Variants in UBR7 observed in about 807,000 individuals in gnomAD.
UBR7 encodes the protein ubiquitin protein ligase E3 component n-recognin 7, also known as putative E3 ubiquitin-protein ligase UBR7.
In UBR7, 22 loss-of-function variants were observed where a neutral mutation model predicts 57.0. That is an observed-to-expected ratio of 0.39 (90% CI 0.28 to 0.55). The LOEUF is 0.55. Among genes scored for constraint, UBR7 ranks in the 20% least tolerant of loss-of-function variants. The probability of loss-of-function intolerance (pLI) is 0.69; values close to 1 mark genes in which losing one functional copy is unlikely to be tolerated. For missense variants in UBR7, 395 were observed against 513.2 expected, an observed-to-expected ratio of 0.77 and a Z score of 2.23; for synonymous variants, 167 against 179.8, an observed-to-expected ratio of 0.93 and a Z score of 0.57.
intron 3 of UBR7, among the ~76,000 whole-genome samples, chr14:93,211,266 G>T (rs1894475850): frequency 6.6e-6 from 1 of 151,484 alleles, no homozygotes; most frequent in South Asian, 2.1e-4. Flanking sequence ...CAATAAATAG[G>T]CCGGGCACGG....
intron 10 of UBR7, 149 bp from the exon 11 acceptor site, chr14:93,226,792 CAA>C (rs55907535): frequency 0.066 from 21,834 of 332,078 alleles, 337 homozygotes; most frequent in African/African-American, 0.17. Context: ...CACTCCATCT[CAA>C]AAAAAAAAAA....
chr14:93,226,969 G>C lies in UBR7; in HGVS notation c.1212G>C (p.Gln404His), dbSNP rs951509609. 3.1e-6 allele frequency: 5 copies of C among 1,613,098 alleles called. No individual in the cohort carries two copies. Among genetic ancestry groups the C allele is most frequent in the Non-Finnish European group, 3.4e-6 (4 of 1,179,422 alleles). ...TTGTTAAGAGAGAGGACATTCAGCA[G>C]TTCTTTGAAGAGTTTCAGTCAAAAA... ...GTVVKREDIQ[Q>H]FFEEFQSKKR... The change falls in exon 11 of 11, where the codon CAG (glutamine) becomes CAC (histidine). Residue 404 changes from glutamine (Q) to histidine (H), a missense_variant. Physicochemically the swap from Gln to His is conservative, Grantham distance 24. Coordinates refer to ENST00000013070, the MANE Select transcript of UBR7 (RefSeq NM_175748.4).
intron 10 of UBR7, among the ~76,000 whole-genome samples, chr14:93,223,222 C>A (rs2140107128): frequency 6.6e-6 from 1 of 152,074 alleles, no homozygotes; most frequent in East Asian, 1.9e-4. Flanking sequence ...CATGGTGAAA[C>A]CTTGTCTCTA....
chr14:93,220,171 A>AAATT, intron 8 of UBR7, 78 bp from the exon 9 acceptor site: 1 of 1,478,580 alleles, frequency 6.8e-7, no homozygotes. Flanking sequence ...GATTCTCAGG[A>AAATT]AATTGGCTTT....
At chr14:93,211,014 A>G (rs757190156) in intron 3 of UBR7, among the ~76,000 whole-genome samples, 2 of 152,154 alleles carry the variant, frequency 1.3e-5, no homozygotes, top group Non-Finnish European at 2.9e-5. Flanking sequence ...CTTAAAAACA[A>G]TAAATAGGGT....
chr14:93,222,280 C>A, intron 9 of UBR7, 33 bp from the exon 10 acceptor site: 3 of 1,498,626 alleles, frequency 2.0e-6, no homozygotes, highest in Non-Finnish European at 2.8e-6. Flanking sequence ...AATGGTTTAT[C>A]TAAACTTAAA....
At position 93,227,300 on chromosome 14, in the gene UBR7, AGTTTTT is replaced by A. The variant is rs1336545644; in HGVS notation, c.*266_*271del. ...CCAGTGCACCCAGGGTTATTTGCAT[AGTTTTT>A]AAGTTTGATTTTGTTTTGAGAAAGC... On this transcript the variant is annotated 3_prime_UTR_variant, in exon 11 of 11. Coordinates refer to ENST00000013070, the MANE Select transcript of UBR7 (RefSeq NM_175748.4). The A allele has an allele frequency of 1.7e-6, 1 of 600,578 alleles. No individual in the cohort carries two copies. Among genetic ancestry groups the A allele is most frequent in the African/African-American group, 1.8e-5 (1 of 55,268 alleles). The allele number at this position is 600,578 out of a possible 1,614,324, so 37.2% of individuals were successfully genotyped here.
rs2140110830 is a variant in UBR7, at chr14:93,227,056, C to T, written c.*21C>T. ...GCTAGAGTGGAGTATGAAGCTTTCT[C>T]ATTCAAGCCAATGAAAATGCGCTTC... On this transcript the variant is annotated 3_prime_UTR_variant, in exon 11 of 11. Coordinates refer to ENST00000013070, the MANE Select transcript of UBR7 (RefSeq NM_175748.4). 4.5e-6 allele frequency: 7 copies of T among 1,564,156 alleles called. No homozygotes were observed. The highest frequency in any genetic ancestry group is 6.2e-6 in the Non-Finnish European group (7 of 1,137,076).
Position 93,227,858 on chromosome 14 carries a change from A to C in UBR7, c.*823A>C. 1 of 700,150 alleles carries C rather than the reference A, an allele frequency of 1.4e-6. No homozygotes were observed. 43.4% of individuals were successfully genotyped at this position (700,150 alleles called of 1,614,324 possible). ...CTGCCTAGAAAACAGACCGGGTCTC[A>C]CCCCTGTGAAATCTTGGTGGTTTAC... On this transcript the variant is annotated 3_prime_UTR_variant, in exon 11 of 11. Coordinates refer to ENST00000013070, the MANE Select transcript of UBR7 (RefSeq NM_175748.4).
Position 93,209,093 on chromosome 14 carries a change from G to A in UBR7, c.151-731G>A, listed in dbSNP as rs1280032123. Among the ~76,000 whole-genome samples, 3 of 152,176 alleles carry A rather than the reference G, an allele frequency of 2.0e-5. No homozygotes were observed. In the East Asian group the frequency reaches 5.8e-4, roughly 29 times the overall value. ...CTCCCAAAGTGCTGGGATTACAGGC[G>A]TGAGCCACCGTGCCCAGCCTACATA... On this transcript the variant is annotated intron_variant, in intron 1 of 10. Transcript: ENST00000013070.
intron 1 of UBR7, 24 bp downstream of exon 1, chr14:93,207,465 T>G: frequency 6.5e-7 from 1 of 1,530,530 alleles, no homozygotes; most frequent in Non-Finnish European, 8.8e-7. Flanking sequence ...CCGGGCCTCC[T>G]CTCCCCCGGC....
intron 9 of UBR7, among the ~76,000 whole-genome samples, chr14:93,221,218 C>G (rs556081643): frequency 9.9e-5 from 15 of 151,808 alleles, no homozygotes; most frequent in Non-Finnish European, 2.2e-4. Context: ...TCAAGTGATT[C>G]TCCTGCCTCA....
chr14:93,226,139 T>C (rs1894844398), intron 10 of UBR7, among the ~76,000 whole-genome samples: 1 of 152,218 alleles, frequency 6.6e-6, no homozygotes, highest in African/African-American at 2.4e-5. Context: ...TATTCCAAGT[T>C]AGCATTATTC....
chr14:93,210,318 C>G (rs561760095), intron 2 of UBR7, among the ~76,000 whole-genome samples: 1 of 152,026 alleles, frequency 6.6e-6, no homozygotes, highest in Non-Finnish European at 1.5e-5. Flanking sequence ...CTCCTGACCT[C>G]GTGATCCGCC....
chr14:93,215,065 A>G, intron 5 of UBR7, 83 bp downstream of exon 5: 2 of 1,438,394 alleles, frequency 1.4e-6, no homozygotes, highest in Non-Finnish European at 1.9e-6. Context: ...TAGTCTTCTA[A>G]AAATAAATTC....
At chr14:93,219,805 G>A (rs1894667477) in intron 8 of UBR7, among the ~76,000 whole-genome samples, 1 of 151,998 alleles carries the variant, frequency 6.6e-6, no homozygotes, top group Non-Finnish European at 1.5e-5. Context: ...GTGAAATCCT[G>A]TCTGTACTAA....
chr14:93,223,639 T>C, intron 10 of UBR7: 1 of 1,383,542 alleles, frequency 7.2e-7, no homozygotes, highest in Non-Finnish European at 1.0e-6. Flanking sequence ...AAGCGTGGCT[T>C]GGGCTGACGG....
intron 8 of UBR7, among the ~76,000 whole-genome samples, chr14:93,219,602 T>C (rs1448523978): frequency 6.6e-6 from 1 of 152,264 alleles, no homozygotes; most frequent in Non-Finnish European, 1.5e-5. Context: ...AATTATGCAG[T>C]ATTTTAAATT....
In UBR7 at chr14:93,215,363, T is replaced by C. The variant is rs146445268; in HGVS notation, c.601+82T>C. Reference sequence around the variant, plus strand: ...TTCAATTCAGAATTTTTAGCAACTATTTTTAACTGGGCTCTGTGGTTATAA... The same window carrying C: ...TTCAATTCAGAATTTTTAGCAACTACTTTTAACTGGGCTCTGTGGTTATAA... On this transcript the variant is annotated intron_variant, in intron 6 of 10. Coordinates refer to ENST00000013070, the MANE Select transcript of UBR7 (RefSeq NM_175748.4). The C allele has an allele frequency of 6.9e-5, 82 of 1,191,924 alleles. No homozygotes were observed. The Middle Eastern group carries it at 9.3e-4, about 14-fold the overall frequency. The allele number at this position is 1,191,924 out of a possible 1,614,324, so 73.8% of individuals were successfully genotyped here.
Sources: gnomAD v4.1 joint callset for allele counts (sites outside exome capture counted in the v4.1 genomes callset) on GRCh38, gnomAD v4.1.1 for gene constraint, MANE v1.5 for transcripts, NCBI Gene and HGNC (gene_info 2026-07-23, HGNC 2026-07-21) for gene names.